PARM1: variants seen among roughly 807,000 people sequenced by gnomAD.
PARM1 encodes WSC4, cell wall integrity and stress response component 4 homolog.
PARM1 carries 14 observed loss-of-function variants against 24.6 expected under a neutral mutation model. The observed-to-expected ratio is 0.57, with a 90% CI of 0.38 to 0.89. The LOEUF (loss-of-function observed/expected upper bound fraction) is 0.89, where lower values mean the gene tolerates loss of function less well. Ranked by LOEUF, PARM1 falls within the 40% of genes least tolerant of loss-of-function variation. The probability of loss-of-function intolerance (pLI) is 0.00; values close to 1 mark genes in which losing one functional copy is unlikely to be tolerated. For synonymous variants in PARM1, 179 were observed against 156.6 expected, an observed-to-expected ratio of 1.14 and a Z score of -1.07; for missense variants, 362 against 380.4, an observed-to-expected ratio of 0.95 and a Z score of 0.40.
At chr4:74,947,598 C>A (rs1041994485) in intron 1 of PARM1, among the ~76,000 whole-genome samples, 3 of 151,836 alleles carry the variant, frequency 2.0e-5, no homozygotes, top group Non-Finnish European at 4.4e-5. Context: ...ATAATATAAC[C>A]CTTATGTTTT....
At chr4:74,952,289 AT>A (rs778969788) in intron 1 of PARM1, among the ~76,000 whole-genome samples, 21 of 151,590 alleles carry the variant, frequency 1.4e-4, no homozygotes, top group Admixed American at 9.2e-4. Flanking sequence ...GGGGTTGTTT[AT>A]TTTTTTCTTG....
chr4:74,997,367 G>A (rs1281172355), intron 1 of PARM1, among the ~76,000 whole-genome samples: 1 of 152,200 alleles, frequency 6.6e-6, no homozygotes, highest in Non-Finnish European at 1.5e-5. Flanking sequence ...AAGGGTATAT[G>A]TGTGGATAAT....
At chr4:74,935,063 ATC>A (rs1721151464) in intron 1 of PARM1, among the ~76,000 whole-genome samples, 1 of 143,500 alleles carries the variant, frequency 7.0e-6, no homozygotes, top group Non-Finnish European at 1.5e-5. Flanking sequence ...CGGGAGGAAT[ATC>A]ACCCTTGACC....
chr4:74,976,957 A>G (rs537015520), intron 1 of PARM1, among the ~76,000 whole-genome samples: 123 of 152,346 alleles, frequency 8.1e-4, no homozygotes, highest in African/African-American at 2.9e-3. Flanking sequence ...TCCAAAGGTC[A>G]TCAGCCTCAA....
At chr4:74,964,577 A>ACACACT (rs377411929) in intron 1 of PARM1, among the ~76,000 whole-genome samples, 3 of 151,926 alleles carry the variant, frequency 2.0e-5, no homozygotes, top group African/African-American at 7.3e-5. Context: ...ACACACACAC[A>ACACACT]CATTGCATCC....
chr4:75,032,049 C>A (rs1401980459), intron 2 of PARM1, among the ~76,000 whole-genome samples: 1 of 152,138 alleles, frequency 6.6e-6, no homozygotes, highest in Non-Finnish European at 1.5e-5. Flanking sequence ...ACCCAGTCTG[C>A]ACATTTGAGC....
At chr4:74,993,233 T>C (rs1722513215) in intron 1 of PARM1, among the ~76,000 whole-genome samples, 1 of 152,156 alleles carries the variant, frequency 6.6e-6, no homozygotes, top group Non-Finnish European at 1.5e-5. Context: ...TGGAAGCCCA[T>C]GTGGCAAAGA....
intron 1 of PARM1, among the ~76,000 whole-genome samples, chr4:74,952,720 T>G (rs1721550252): frequency 6.6e-6 from 1 of 152,214 alleles, no homozygotes; most frequent in South Asian, 2.1e-4. Context: ...TATGAGAACA[T>G]AAGAAGTCAG....
At chr4:74,990,219 C>T (rs774146101) in intron 1 of PARM1, among the ~76,000 whole-genome samples, 7 of 152,206 alleles carry the variant, frequency 4.6e-5, no homozygotes, top group African/African-American at 1.7e-4. Context: ...ATATACTAGG[C>T]TTGAAATGAG....
chr4:75,015,048 T>G (rs952647842), intron 2 of PARM1, among the ~76,000 whole-genome samples: 2 of 152,200 alleles, frequency 1.3e-5, no homozygotes, highest in African/African-American at 4.8e-5. Flanking sequence ...ACCACTTGTC[T>G]GTACAACTTT....
intron 1 of PARM1, among the ~76,000 whole-genome samples, chr4:74,934,871 T>C (rs1250063412): frequency 6.6e-6 from 1 of 152,224 alleles, no homozygotes; most frequent in African/African-American, 2.4e-5. Context: ...TTTGATTTAG[T>C]GGCTTGTCTT....
chr4:75,042,610 G>T (rs1199060170), intron 3 of PARM1, among the ~76,000 whole-genome samples: 3 of 150,884 alleles, frequency 2.0e-5, no homozygotes, highest in African/African-American at 4.9e-5. Context: ...CATACACTAT[G>T]CAAATGCCAA....
intron 1 of PARM1, among the ~76,000 whole-genome samples, chr4:74,954,797 G>A (rs1355158472): frequency 1.3e-5 from 2 of 152,124 alleles, no homozygotes; most frequent in Non-Finnish European, 2.9e-5. Flanking sequence ...TATTGTTTAT[G>A]CATTTTCTTG....
At chr4:74,949,382 G>T (rs895382452) in intron 1 of PARM1, among the ~76,000 whole-genome samples, 1 of 152,026 alleles carries the variant, frequency 6.6e-6, no homozygotes, top group Non-Finnish European at 1.5e-5. Flanking sequence ...GCAGTGGCAC[G>T]ATCTCGGCTC....
At chr4:75,038,064 A>C (rs963781602) in intron 3 of PARM1, among the ~76,000 whole-genome samples, 1 of 152,036 alleles carries the variant, frequency 6.6e-6, no homozygotes, top group Non-Finnish European at 1.5e-5. Context: ...CTACAGGCAC[A>C]CACCACCACA....
chr4:75,025,519 G>A (rs1723166314), intron 2 of PARM1, among the ~76,000 whole-genome samples: 1 of 152,196 alleles, frequency 6.6e-6, no homozygotes, highest in Admixed American at 6.5e-5. Context: ...ATTCGTGTGG[G>A]AAAAGATTGT....
At chr4:75,019,744 C>T (rs546657041) in intron 2 of PARM1, among the ~76,000 whole-genome samples, 152 of 152,098 alleles carry the variant, frequency 1.0e-3, no homozygotes, top group African/African-American at 3.3e-3. Flanking sequence ...TGGCTCACGC[C>T]TGTAATCCCA....
At chr4:75,024,895 A>G (rs1236177310) in intron 2 of PARM1, among the ~76,000 whole-genome samples, 2 of 152,110 alleles carry the variant, frequency 1.3e-5, no homozygotes, top group African/African-American at 4.8e-5. Context: ...AAGTTTCACC[A>G]TGTTGGCCAG....
At chr4:74,981,443 A>G (rs1022590682) in intron 1 of PARM1, among the ~76,000 whole-genome samples, 1 of 152,212 alleles carries the variant, frequency 6.6e-6, no homozygotes, top group African/African-American at 2.4e-5. Context: ...ATCTCACGCC[A>G]TTCAGAATGG....
Sources: gnomAD v4.1 joint callset for allele counts (sites outside exome capture counted in the v4.1 genomes callset) on GRCh38, gnomAD v4.1.1 for gene constraint, MANE v1.5 for transcripts, NCBI Gene and HGNC (gene_info 2026-07-23, HGNC 2026-07-21) for gene names.